The following CPE variants were observed in gnomAD, a reference collection of about 807,000 sequenced individuals.
The protein encoded by CPE is carboxypeptidase E.
Under a neutral mutation model 53.5 loss-of-function variants are expected in CPE, and 17 were observed. The observed-to-expected ratio is 0.32, with a 90% CI of 0.22 to 0.48. The LOEUF is 0.48. CPE is among the 20% of genes least tolerant of loss of function. The pLI is 0.99. For synonymous variants in CPE, 226 were observed against 228.8 expected (o/e 0.99, Z 0.11); for missense variants, 524 against 614.7 (o/e 0.85, Z 1.56).
intron 1 of CPE, among the ~76,000 whole-genome samples, chr4:165,398,838 G>A (rs1730818824): frequency 6.6e-6 from 1 of 152,082 alleles, no homozygotes; most frequent in African/African-American, 2.4e-5. Context: ...TCTGGCATTA[G>A]CTGTATTTAA....
intron 1 of CPE, among the ~76,000 whole-genome samples, chr4:165,403,419 TG>T (rs1286150677): frequency 6.6e-6 from 1 of 152,182 alleles, no homozygotes; most frequent in African/African-American, 2.4e-5. Context: ...TGCACACTGA[TG>T]GGGAAGCAGT....
intron 1 of CPE, among the ~76,000 whole-genome samples, chr4:165,383,020 A>G (rs6850000): frequency 0.27 from 41,031 of 152,074 alleles, 6,461 homozygotes; most frequent in African/African-American, 0.44. Context: ...ATTGAAAGAG[A>G]GTTGCGAGTA....
intron 8 of CPE, 43 bp from the exon 9 acceptor site, chr4:165,497,469 A>T: frequency 8.9e-7 from 1 of 1,117,656 alleles, no homozygotes. Flanking sequence ...TTAAAAAAAC[A>T]CATGCAGTTT....
intron 1 of CPE, among the ~76,000 whole-genome samples, chr4:165,408,938 A>G (rs1454987217): frequency 2.0e-5 from 3 of 152,230 alleles, no homozygotes; most frequent in Admixed American, 1.3e-4. Flanking sequence ...AGAATATTGA[A>G]AAAAGTTTCT....
chr4:165,471,107 G>A (rs1038431222), intron 3 of CPE, among the ~76,000 whole-genome samples: 4 of 152,138 alleles, frequency 2.6e-5, no homozygotes, highest in African/African-American at 9.7e-5. Flanking sequence ...AAGGGAGTGA[G>A]GACAACTCCA....
intron 6 of CPE, among the ~76,000 whole-genome samples, chr4:165,491,375 T>G (rs969054618): frequency 1.3e-5 from 2 of 152,202 alleles, no homozygotes; most frequent in Non-Finnish European, 2.9e-5. Context: ...AAAGCCTCTT[T>G]TATCAGCTAG....
intron 1 of CPE, among the ~76,000 whole-genome samples, chr4:165,414,404 T>C (rs985463780): frequency 2.4e-4 from 36 of 152,326 alleles, no homozygotes; most frequent in African/African-American, 8.4e-4. Flanking sequence ...AGTCAGAGTA[T>C]ACTTGTACAC....
intron 1 of CPE, among the ~76,000 whole-genome samples, chr4:165,422,581 A>G (rs1025671629): frequency 1.3e-5 from 2 of 152,208 alleles, no homozygotes; most frequent in African/African-American, 4.8e-5. Context: ...TGTACCTGTG[A>G]CACAGCCTTA....
chr4:165,410,408 G>A (rs886903980), intron 1 of CPE, among the ~76,000 whole-genome samples: 3 of 152,294 alleles, frequency 2.0e-5, no homozygotes, highest in Admixed American at 6.5e-5. Context: ...TGTGCCCAAA[G>A]TAGAACATCA....
At chr4:165,388,219 C>T (rs1461538414) in intron 1 of CPE, among the ~76,000 whole-genome samples, 4 of 152,216 alleles carry the variant, frequency 2.6e-5, no homozygotes, top group Non-Finnish European at 1.5e-5. Flanking sequence ...GCCATGAGTT[C>T]AGGGTAGTGA....
At position 165,424,290 on chromosome 4, in the gene CPE, G is replaced by GT. The variant is rs1352903097; in HGVS notation, c.308-40089dup. 6.3e-3 allele frequency among the ~76,000 whole-genome samples: 895 copies of GT among 142,596 alleles called. 3 individuals are homozygous for GT. The highest frequency in any genetic ancestry group is 0.015 in the African/African-American group (598 of 39,076). The allele number at this position is 142,596 out of a possible 152,430, so 93.5% of individuals were successfully genotyped here. ...TGTTTGATATGCATGTACATACTCT[G>GT]TTTTTTTTTTTAAGTCTTTCCGTGT... On this transcript the variant is annotated intron_variant, in intron 1 of 8. Coordinates refer to ENST00000402744, the MANE Select transcript of CPE (RefSeq NM_001873.4).
chr4:165,447,116 A>C (rs1197983661), intron 1 of CPE, among the ~76,000 whole-genome samples: 1 of 152,226 alleles, frequency 6.6e-6, no homozygotes, highest in African/African-American at 2.4e-5. Flanking sequence ...GAAAGATTAA[A>C]AATGGTACAC....
At chr4:165,482,162 C>A in intron 3 of CPE, 80 bp from the exon 4 acceptor site, 1 of 847,940 alleles carries the variant, frequency 1.2e-6, no homozygotes, top group Non-Finnish European at 1.7e-6. Flanking sequence ...TTTTCCTTTA[C>A]CTTTCCTATG....
chr4:165,422,715 G>C (rs9762244), intron 1 of CPE, among the ~76,000 whole-genome samples: 44,868 of 151,786 alleles, frequency 0.3, 6,717 homozygotes, highest in Middle Eastern at 0.39. Flanking sequence ...CGGTGGCTCA[G>C]GCCTGTAATC....
intron 1 of CPE, among the ~76,000 whole-genome samples, chr4:165,403,150 T>C (rs1193917621): frequency 6.6e-6 from 1 of 152,222 alleles, no homozygotes; most frequent in Non-Finnish European, 1.5e-5. Flanking sequence ...TTTTGATTGC[T>C]ATTTGATTCT....
In CPE at chr4:165,487,500, G is replaced by A; in HGVS notation, c.1036G>A (p.Glu346Lys). 1.9e-6 allele frequency: 3 copies of A among 1,614,134 alleles called. No homozygotes were observed. Among genetic ancestry groups the A allele is most frequent in the Non-Finnish European group, 1.7e-6 (2 of 1,180,012 alleles). The change falls in exon 6 of 9, where the codon GAG becomes AAG. Residue 346 changes from glutamate (E) to lysine (K), a missense_variant. Glu to Lys is a moderately conservative substitution (Grantham distance 56). Coordinates refer to ENST00000402744, the MANE Select transcript of CPE (RefSeq NM_001873.4). The stretch of plus-strand genomic sequence containing the variant: ...TGAGATCACCGTGGAGCTTAGCTGT[G>A]AGAAGTTCCCACCTGAAGAGACTCT... Reference protein sequence around the residue: ...CFEITVELSCEKFPPEETLKT... With the variant: ...CFEITVELSCKKFPPEETLKT...
At chr4:165,493,841 C>T (rs116396000) in intron 7 of CPE, among the ~76,000 whole-genome samples, 88 of 152,276 alleles carry the variant, frequency 5.8e-4, no homozygotes, top group African/African-American at 2.0e-3. Context: ...TTCCATTTCC[C>T]CAGTTTGAGG....
At chr4:165,460,557 G>A (rs544434003) in intron 1 of CPE, among the ~76,000 whole-genome samples, 10 of 152,036 alleles carry the variant, frequency 6.6e-5, no homozygotes, top group Admixed American at 2.6e-4. Flanking sequence ...TATTCCACCC[G>A]GGTGCAGCCT....
At chr4:165,471,455 A>T (rs57508190) in intron 3 of CPE, among the ~76,000 whole-genome samples, 1,691 of 152,318 alleles carry the variant, frequency 0.011, 26 homozygotes, top group African/African-American at 0.037. Context: ...TTAAAAACAA[A>T]TCATGATAGG....
Sources: gnomAD v4.1 joint callset for allele counts (sites outside exome capture counted in the v4.1 genomes callset) on GRCh38, gnomAD v4.1.1 for gene constraint, MANE v1.5 for transcripts, NCBI Gene and HGNC (gene_info 2026-07-23, HGNC 2026-07-21) for gene names.